Variants in ACOT7 observed in about 807,000 individuals in gnomAD.
The protein encoded by ACOT7 is acyl-CoA thioesterase 7.
A neutral mutation model predicts 40.2 loss-of-function variants in ACOT7; 12 were observed. That is an observed-to-expected ratio of 0.30 (90% CI 0.19 to 0.48). ACOT7 has a LOEUF of 0.48. Ranked by LOEUF, ACOT7 falls within the 20% of genes least tolerant of loss-of-function variation. ACOT7 has a pLI of 0.99. For synonymous variants in ACOT7, 228 were observed against 219.5 expected, an observed-to-expected ratio of 1.04 and a Z score of -0.34; for missense variants, 395 against 530.8, an observed-to-expected ratio of 0.74 and a Z score of 2.51.
At chr1:6,298,011 T>C (rs984398254) in intron 6 of ACOT7, among the ~76,000 whole-genome samples, 24 of 152,188 alleles carry the variant, frequency 1.6e-4, no homozygotes, top group African/African-American at 5.1e-4. Context: ...AAGATGCTGC[T>C]AAATGAGGTA....
chr1:6,277,482 T>A (rs1557627438), intron 8 of ACOT7, among the ~76,000 whole-genome samples: 1 of 152,214 alleles, frequency 6.6e-6, no homozygotes, highest in Non-Finnish European at 1.5e-5. Flanking sequence ...TCCTCTACTT[T>A]ACGCCCATAT....
intron 3 of ACOT7, among the ~76,000 whole-genome samples, chr1:6,336,227 G>C (rs374981990): frequency 6.6e-6 from 1 of 151,180 alleles, no homozygotes; most frequent in Non-Finnish European, 1.5e-5. Flanking sequence ...CCAGCTACTC[G>C]GGAGGCTGAG....
At position 6,393,370 on chromosome 1, in the gene ACOT7, C is replaced by A. The variant is rs1642569354; in HGVS notation, c.30G>T (p.Ala10=). The change falls in exon 1 of 9, where the codon GCG becomes GCT. Residue 10 remains alanine (A), a synonymous_variant. Coordinates refer to ENST00000361521, the MANE Select transcript of ACOT7 (RefSeq NM_007274.4). ...GGGCGCAGGTGTCTGGCAGGCCCGG[C>A]GCGGAATGAATGAGCCCGGGCCGCG... MARPGLIHS[A]PGLPDTCALL... 2 of 1,236,200 alleles carry A rather than the reference C, an allele frequency of 1.6e-6. No individual in the cohort carries two copies. Among genetic ancestry groups the A allele is most frequent in the East Asian group, 3.1e-5 (1 of 31,872 alleles). 76.6% of individuals were successfully genotyped at this position (1,236,200 alleles called of 1,614,324 possible).
At chr1:6,270,271 A>G (rs1638989496) in intron 8 of ACOT7, among the ~76,000 whole-genome samples, 1 of 152,192 alleles carries the variant, frequency 6.6e-6, no homozygotes, top group Non-Finnish European at 1.5e-5. Flanking sequence ...ATAAATGCAT[A>G]CGCTGTTGGC....
At chr1:6,350,497 A>G (rs1006412380) in intron 1 of ACOT7, among the ~76,000 whole-genome samples, 3 of 152,214 alleles carry the variant, frequency 2.0e-5, no homozygotes, top group Non-Finnish European at 2.9e-5. Flanking sequence ...CACTTCCCCA[A>G]AGAGGAACAA....
chr1:6,382,334 G>A (rs1243966770), intron 1 of ACOT7, among the ~76,000 whole-genome samples: 12 of 151,642 alleles, frequency 7.9e-5, no homozygotes, highest in Non-Finnish European at 1.8e-4. Context: ...AATCCGGGAG[G>A]CGGAGCTTGC....
At position 6,318,505 on chromosome 1, in the gene ACOT7, G is replaced by A. The variant is rs986916239; in HGVS notation, c.699C>T (p.Gly233=). The change falls in exon 6 of 9, where the codon GGC becomes GGT. Residue 233 remains glycine, a synonymous_variant. Transcript: ENST00000361521. The part of the protein sequence containing the change: ...LVGPSDCTLH[G]FVHGGVTMKL... Reference sequence around the variant, plus strand: ...CTTCCTTCTTACCTCCGTGCACAAAGCCGTGCAGGGTGCAGTCTGAAGGCC... The same window carrying A: ...CTTCCTTCTTACCTCCGTGCACAAAACCGTGCAGGGTGCAGTCTGAAGGCC... 2 of 1,613,954 alleles carry A rather than the reference G, an allele frequency of 1.2e-6. No homozygotes were observed. Among genetic ancestry groups the A allele is most frequent in the Non-Finnish European group, 1.7e-6 (2 of 1,179,996 alleles).
chr1:6,273,884 G>A (rs1438769667), intron 8 of ACOT7, among the ~76,000 whole-genome samples: 4 of 152,218 alleles, frequency 2.6e-5, no homozygotes, highest in Non-Finnish European at 4.4e-5. Flanking sequence ...TGGCAACGGG[G>A]TGTCTAGGAT....
intron 2 of ACOT7, 84 bp from the exon 3 acceptor site, chr1:6,339,673 T>C (rs1209095252): frequency 1.3e-6 from 2 of 1,514,264 alleles, no homozygotes; most frequent in Non-Finnish European, 1.8e-6. Context: ...CTGGAAACGG[T>C]CTTTGCCTTT....
intron 3 of ACOT7, 96 bp from the exon 4 acceptor site, chr1:6,333,664 C>A: frequency 8.2e-7 from 1 of 1,212,214 alleles, no homozygotes; most frequent in African/African-American, 1.5e-5. Flanking sequence ...GCGCCCGGTC[C>A]CAGTACCTGA....
intron 5 of ACOT7, 93 bp from the exon 6 acceptor site, chr1:6,318,671 C>T: frequency 7.6e-7 from 1 of 1,316,396 alleles, no homozygotes. Context: ...CAGGTCTACA[C>T]AGTCAACGAA....
chr1:6,329,008 TCAAC>T (rs146773213), intron 4 of ACOT7, among the ~76,000 whole-genome samples: 4,220 of 152,302 alleles, frequency 0.028, 204 homozygotes, highest in African/African-American at 0.096. Context: ...TCACATTCAC[TCAAC>T]CAACCATTCC....
intron 1 of ACOT7, among the ~76,000 whole-genome samples, chr1:6,388,140 A>G (rs1369832527): frequency 6.9e-6 from 1 of 145,126 alleles, no homozygotes; most frequent in African/African-American, 2.6e-5. Flanking sequence ...ACCAAGTCTC[A>G]CTCTGTCGCC....
rs771788374 is a variant in ACOT7 at position 6,338,770 on chromosome 1, G to A, written c.418+663C>T. On this transcript the variant is annotated intron_variant, in intron 3 of 8. Transcript: ENST00000361521. The surrounding 1 kb of genome is among the most constrained non-coding windows in gnomAD (Gnocchi z 4.4). The stretch of plus-strand genomic sequence containing the variant: ...CTGGTGACCTGGGAGGTGGCAGGGA[G>A]AGGACCAGGGGCAGGGGAAGAGGCC... 3.9e-5 allele frequency among the ~76,000 whole-genome samples: 6 copies of A among 152,146 alleles called. No individual in the cohort carries two copies. The highest frequency in any genetic ancestry group is 3.9e-4 in the Admixed American group (6 of 15,272).
intron 1 of ACOT7, among the ~76,000 whole-genome samples, chr1:6,353,042 C>T (rs1392704846): frequency 6.6e-6 from 1 of 152,082 alleles, no homozygotes; most frequent in South Asian, 2.1e-4. Context: ...CCACGCCTGG[C>T]TAAATTTTGT....
At chr1:6,371,889 A>G (rs1451923705) in intron 1 of ACOT7, among the ~76,000 whole-genome samples, 7 of 151,868 alleles carry the variant, frequency 4.6e-5, no homozygotes, top group Non-Finnish European at 8.8e-5. Context: ...TTCTAAAAAT[A>G]AAAAAATTAG....
At chr1:6,286,602 T>G (rs2148385850) in intron 7 of ACOT7, among the ~76,000 whole-genome samples, 1 of 152,274 alleles carries the variant, frequency 6.6e-6, no homozygotes, top group Non-Finnish European at 1.5e-5. Flanking sequence ...GCACTGTGCC[T>G]CAGTTTCCTC....
At chr1:6,332,348 CA>C (rs1640978653) in intron 4 of ACOT7, among the ~76,000 whole-genome samples, 1 of 152,134 alleles carries the variant, frequency 6.6e-6, no homozygotes, top group Non-Finnish European at 1.5e-5. Flanking sequence ...TTGGACTTGC[CA>C]ATGAACTTGG....
chr1:6,350,164 G>A (rs1423983336), intron 1 of ACOT7, among the ~76,000 whole-genome samples: 6 of 152,206 alleles, frequency 3.9e-5, no homozygotes, highest in Non-Finnish European at 8.8e-5. Flanking sequence ...GGCTGATGGT[G>A]AAGACCTTTA....
Sources: allele counts gnomAD v4.1 joint callset (sites outside exome capture counted in the v4.1 genomes callset), GRCh38; gene constraint gnomAD v4.1.1; non-coding constraint Gnocchi (gnomAD v3.1); transcripts MANE v1.5; gene names NCBI Gene and HGNC (gene_info 2026-07-23, HGNC 2026-07-21).